The following THSD4 variants were observed in gnomAD, a reference collection of about 807,000 sequenced individuals.
THSD4 encodes the protein thrombospondin type-1 domain-containing protein 4.
Under a neutral mutation model 119.0 loss-of-function variants are expected in THSD4, and 69 were observed. That is an observed-to-expected ratio of 0.58 (90% CI 0.48 to 0.71). The LOEUF (loss-of-function observed/expected upper bound fraction) is 0.71, where lower values mean the gene tolerates loss of function less well. THSD4 is among the 30% of genes least tolerant of loss of function. THSD4 has a pLI of 0.00. For missense variants in THSD4, 1,393 were observed against 1,391.1 expected (o/e 1.00, Z -0.02); for synonymous variants, 524 against 540.4 (o/e 0.97, Z 0.42).
chr15:71,417,326 G>A (rs1204631970), intron 7 of THSD4, among the ~76,000 whole-genome samples: 1 of 107,880 alleles, frequency 9.3e-6, no homozygotes, highest in East Asian at 3.1e-4. Flanking sequence ...ATGTCCCAGA[G>A]AGTTCCCCCA....
intron 6 of THSD4, among the ~76,000 whole-genome samples, chr15:71,374,756 A>G (rs1287054650): frequency 6.6e-6 from 1 of 152,160 alleles, no homozygotes; most frequent in East Asian, 1.9e-4. Context: ...AAAACGCCCA[A>G]TCTCTGTTTA....
chr15:71,165,583 T>C (rs2043287559), intron 3 of THSD4, among the ~76,000 whole-genome samples: 1 of 152,172 alleles, frequency 6.6e-6, no homozygotes, highest in Non-Finnish European at 1.5e-5. Context: ...AAATGGATCC[T>C]GGGTTGTTGG....
chr15:71,570,941 T>C (rs2049340486), intron 7 of THSD4, among the ~76,000 whole-genome samples: 1 of 152,198 alleles, frequency 6.6e-6, no homozygotes, highest in Non-Finnish European at 1.5e-5. Flanking sequence ...GCAGTTGCTC[T>C]GTGGTACAGA....
intron 6 of THSD4, among the ~76,000 whole-genome samples, chr15:71,381,305 A>T (rs1396264093): frequency 3.3e-5 from 5 of 152,230 alleles, no homozygotes; most frequent in Non-Finnish European, 5.9e-5. Flanking sequence ...ATAGATTGCC[A>T]TAGGTAATTT....
At chr15:71,756,710 T>C (rs2053545606) in intron 14 of THSD4, among the ~76,000 whole-genome samples, 1 of 152,082 alleles carries the variant, frequency 6.6e-6, no homozygotes, top group African/African-American at 2.4e-5. Flanking sequence ...CCCAAGAGGT[T>C]GAAGCTGCAG....
At chr15:71,649,902 C>T (rs542189274) in intron 7 of THSD4, among the ~76,000 whole-genome samples, 145 of 152,276 alleles carry the variant, frequency 9.5e-4, no homozygotes, top group African/African-American at 3.4e-3. Context: ...TCAACCATTT[C>T]CTGGTGAAAA....
intron 7 of THSD4, among the ~76,000 whole-genome samples, chr15:71,639,152 G>A (rs1227647468): frequency 6.6e-6 from 1 of 152,210 alleles, no homozygotes; most frequent in African/African-American, 2.4e-5. Flanking sequence ...AATCCTCCAT[G>A]TACCCAAAAA....
At chr15:71,233,843 G>A (rs1021369679) in intron 4 of THSD4, among the ~76,000 whole-genome samples, 2 of 152,152 alleles carry the variant, frequency 1.3e-5, no homozygotes, top group African/African-American at 4.8e-5. Flanking sequence ...CAGACACTTC[G>A]TGTTAAGCAT....
At chr15:71,466,995 G>A (rs183115174) in intron 7 of THSD4, among the ~76,000 whole-genome samples, 97 of 152,298 alleles carry the variant, frequency 6.4e-4, no homozygotes, top group Non-Finnish European at 1.1e-3. Context: ...TTGCCCTCGC[G>A]TTTGTAACTC....
At chr15:71,539,689 T>C (rs1390930278) in intron 7 of THSD4, among the ~76,000 whole-genome samples, 1 of 152,236 alleles carries the variant, frequency 6.6e-6, no homozygotes, top group East Asian at 1.9e-4. Context: ...CTTCTGGGAA[T>C]TTCTCCTCTG....
chr15:71,412,660 T>C (rs1057113034), intron 7 of THSD4, among the ~76,000 whole-genome samples: 2 of 152,178 alleles, frequency 1.3e-5, no homozygotes, highest in African/African-American at 4.8e-5. Flanking sequence ...TGGAAGTTCC[T>C]ATTATAGTTT....
At chr15:71,413,769 A>G (rs2046721292) in intron 7 of THSD4, among the ~76,000 whole-genome samples, 1 of 152,222 alleles carries the variant, frequency 6.6e-6, no homozygotes. Flanking sequence ...ACATCATGGG[A>G]AACATCATAG....
intron 6 of THSD4, among the ~76,000 whole-genome samples, chr15:71,368,670 C>CT (rs1329168976): frequency 6.6e-6 from 1 of 152,168 alleles, no homozygotes; most frequent in Non-Finnish European, 1.5e-5. Context: ...CAGTACCATG[C>CT]TGTTTTGGTT....
intron 7 of THSD4, among the ~76,000 whole-genome samples, chr15:71,559,187 G>A (rs754340521): frequency 6.1e-4 from 93 of 152,164 alleles, no homozygotes; most frequent in Non-Finnish European, 8.4e-4. Flanking sequence ...CAGCATCTTT[G>A]TTGGCCTGTG....
At chr15:71,391,165 A>G (rs1286150432) in intron 6 of THSD4, among the ~76,000 whole-genome samples, 2 of 151,934 alleles carry the variant, frequency 1.3e-5, no homozygotes, top group Non-Finnish European at 2.9e-5. Flanking sequence ...AGTAGCTGGG[A>G]CTACAGGCTC....
At position 71,307,337 on chromosome 15, in the gene THSD4, G is replaced by T. The variant is rs564248811; in HGVS notation, c.1015+50622G>T. On this transcript the variant is annotated intron_variant, in intron 6 of 17. Transcript: ENST00000261862. ...CACATGTAACTTGGTATTATACCCA[G>T]TTTCTACATCTGTGTGATTGATGTG... 3.9e-5 allele frequency among the ~76,000 whole-genome samples: 6 copies of T among 152,334 alleles called. No homozygotes were observed. In the East Asian group the frequency reaches 1.2e-3, roughly 29 times the overall value.
rs1254917384 is a variant in THSD4 at position 71,313,929 on chromosome 15, A to AT, written c.1015+57216dup. Among the ~76,000 whole-genome samples the AT allele has an allele frequency of 2.6e-5, 4 of 152,344 alleles. No homozygotes were observed. The East Asian group carries it at 5.8e-4, about 22-fold the overall frequency. On this transcript the variant is annotated intron_variant, in intron 6 of 17. Coordinates refer to ENST00000261862, the MANE Select transcript of THSD4 (RefSeq NM_024817.3). ...CATGGGCTCCTACTAACAAAAGCAG[A>AT]TTAAAGCCATCTTTTCAGTTAATTA...
At chr15:71,380,592 C>G (rs564710761) in intron 6 of THSD4, among the ~76,000 whole-genome samples, 11 of 152,188 alleles carry the variant, frequency 7.2e-5, no homozygotes, top group African/African-American at 2.6e-4. Context: ...CTAAATCAAA[C>G]AAACCAAACT....
chr15:71,583,267 C>A (rs959024570), intron 7 of THSD4, among the ~76,000 whole-genome samples: 1 of 151,940 alleles, frequency 6.6e-6, no homozygotes, highest in South Asian at 2.1e-4. Flanking sequence ...ATAATCTCTC[C>A]GCTTTCACTT....
Sources: allele counts gnomAD v4.1 joint callset (sites outside exome capture counted in the v4.1 genomes callset), GRCh38; gene constraint gnomAD v4.1.1; transcripts MANE v1.5; gene names NCBI Gene and HGNC (gene_info 2026-07-23, HGNC 2026-07-21).